The following CDA variants were observed in gnomAD, a reference collection of about 807,000 sequenced individuals.
The protein encoded by CDA is cytidine aminohydrolase.
Under a neutral mutation model 15.0 loss-of-function variants are expected in CDA, and 7 were observed. The observed-to-expected ratio is 0.47, with a 90% CI of 0.26 to 0.87. CDA has a LOEUF of 0.87. CDA is among the 40% of genes least tolerant of loss of function. CDA has a pLI of 0.15. For synonymous variants in CDA, 58 were observed against 73.0 expected, an observed-to-expected ratio of 0.79 and a Z score of 1.05; for missense variants, 159 against 182.7, an observed-to-expected ratio of 0.87 and a Z score of 0.75.
At chr1:20,601,075 A>G (rs1436556452) in intron 1 of CDA, among the ~76,000 whole-genome samples, 1 of 152,226 alleles carries the variant, frequency 6.6e-6, no homozygotes, top group Non-Finnish European at 1.5e-5. Flanking sequence ...GGATGTATGG[A>G]TTCCTATAAC....
chr1:20,604,996 G>A lies in CDA; in HGVS notation c.223G>A (p.Val75Ile), dbSNP rs373566343. ...CAERTAIQKA[V>I]SEGYKDFRAI... ...TGAACGGACCGCTATCCAGAAGGCC[G>A]TCTCAGAAGGGTACAAGGATTTCAG... Residue 75 changes from valine (V) to isoleucine (I), a missense_variant, in exon 2 of 4, where the codon GTC becomes ATC. Physicochemically the swap from Val to Ile is conservative, Grantham distance 29. Coordinates refer to ENST00000375071, the MANE Select transcript of CDA (RefSeq NM_001785.3). The A allele has an allele frequency of 2.6e-5, 42 of 1,613,804 alleles. No homozygotes were observed. The highest frequency in any genetic ancestry group is 1.3e-4 in the South Asian group (12 of 91,036).
intron 2 of CDA, among the ~76,000 whole-genome samples, chr1:20,608,415 T>C (rs946927211): frequency 1.3e-5 from 2 of 151,802 alleles, no homozygotes; most frequent in African/African-American, 4.8e-5. Flanking sequence ...TTTTGTTTTG[T>C]TTTGTTTTGT....
At chr1:20,597,334 G>A (rs2052600302) in intron 1 of CDA, among the ~76,000 whole-genome samples, 1 of 152,176 alleles carries the variant, frequency 6.6e-6, no homozygotes, top group Admixed American at 6.5e-5. Context: ...ACAGCTACTT[G>A]GGAGGCTGAG....
At chr1:20,604,583 C>G (rs1426284453) in intron 1 of CDA, among the ~76,000 whole-genome samples, 2 of 152,116 alleles carry the variant, frequency 1.3e-5, no homozygotes, top group Non-Finnish European at 2.9e-5. Context: ...TGTGGGGGCT[C>G]TACTTATTTT....
chr1:20,597,787 G>C (rs995954027), intron 1 of CDA, among the ~76,000 whole-genome samples: 1 of 152,104 alleles, frequency 6.6e-6, no homozygotes, highest in Non-Finnish European at 1.5e-5. Context: ...TGGTTTGCCT[G>C]GTCAGAAGAC....
chr1:20,613,657 T>C (rs1477585113), intron 2 of CDA, among the ~76,000 whole-genome samples, 185 bp from the exon 3 acceptor site: 1 of 152,126 alleles, frequency 6.6e-6, no homozygotes, highest in Non-Finnish European at 1.5e-5. Context: ...CCCTGCCTTG[T>C]GGCAGTGTGG....
At chr1:20,615,435 C>A (rs1179195986) in intron 3 of CDA, among the ~76,000 whole-genome samples, 1 of 137,700 alleles carries the variant, frequency 7.3e-6, no homozygotes, top group African/African-American at 2.7e-5. Flanking sequence ...GAGTTCGAGA[C>A]CTGCCTGGGC....
At chr1:20,599,609 T>A (rs895025404) in intron 1 of CDA, among the ~76,000 whole-genome samples, 3 of 23,274 alleles carry the variant, frequency 1.3e-4, no homozygotes, top group Non-Finnish European at 3.0e-4. Flanking sequence ...AGAGCAAGAC[T>A]CCGTCTCCAA....
In CDA at chr1:20,610,308, T is replaced by A. The variant is rs546176133; in HGVS notation, c.267-3534T>A. On this transcript the variant is annotated intron_variant, in intron 2 of 3. Transcript: ENST00000375071. ...TATTTTTATTTTTATTTATTTATTT[T>A]TATTTTTTTTTGAGATGGAGTCTTG... Among the ~76,000 whole-genome samples, 51 of 142,436 alleles carry A rather than the reference T, an allele frequency of 3.6e-4. No homozygotes were observed. In the South Asian group the frequency reaches 3.9e-3, roughly 11 times the overall value. 93.4% of individuals were successfully genotyped at this position (142,436 alleles called of 152,430 possible). A position where few individuals can be genotyped will look rare whatever the true frequency, so the allele number is the denominator to read the frequency against.
chr1:20,592,668 G>A (rs1264282370), intron 1 of CDA, among the ~76,000 whole-genome samples: 6 of 152,216 alleles, frequency 3.9e-5, no homozygotes, highest in Non-Finnish European at 5.9e-5. Flanking sequence ...GCCTATCACT[G>A]GGCCTCTGTA....
At chr1:20,612,209 G>A (rs1231556011) in intron 2 of CDA, among the ~76,000 whole-genome samples, 6 of 152,110 alleles carry the variant, frequency 3.9e-5, no homozygotes, top group African/African-American at 1.4e-4. Context: ...AGAAACCCAG[G>A]GCTTCCGAAT....
chr1:20,603,075 G>A (rs2052662255), intron 1 of CDA, among the ~76,000 whole-genome samples: 1 of 152,186 alleles, frequency 6.6e-6, no homozygotes, highest in Admixed American at 6.6e-5. Context: ...ATTGCAGGTG[G>A]AGCTTTACCA....
intron 3 of CDA, 105 bp from the exon 4 acceptor site, chr1:20,618,347 T>C: frequency 1.4e-6 from 1 of 719,710 alleles, no homozygotes; most frequent in Non-Finnish European, 2.6e-6. Context: ...AAAATCAAGG[T>C]AAAGAGAGGA....
intron 2 of CDA, among the ~76,000 whole-genome samples, chr1:20,612,537 TTAACTG>T: frequency 6.6e-6 from 1 of 151,850 alleles, no homozygotes; most frequent in East Asian, 1.9e-4. Flanking sequence ...ACAACCCCCT[TTAACTG>T]TAATTTTCCA....
chr1:20,611,394 T>G (rs922079980), intron 2 of CDA, among the ~76,000 whole-genome samples: 3 of 152,220 alleles, frequency 2.0e-5, no homozygotes, highest in African/African-American at 7.2e-5. Context: ...TGTTTTGTTT[T>G]GTTTTGAGGC....
At chr1:20,613,653 C>T (rs2052774257) in intron 2 of CDA, among the ~76,000 whole-genome samples, 189 bp from the exon 3 acceptor site, 1 of 152,228 alleles carries the variant, frequency 6.6e-6, no homozygotes, top group South Asian at 2.1e-4. Flanking sequence ...ATGGCCCTGC[C>T]TTGTGGCAGT....
At chr1:20,590,735 G>C (rs1200588520) in intron 1 of CDA, among the ~76,000 whole-genome samples, 1 of 152,204 alleles carries the variant, frequency 6.6e-6, no homozygotes, top group Admixed American at 6.5e-5. Context: ...CTCGTGCTGT[G>C]ACGTAGCACC....
intron 1 of CDA, 77 bp downstream of exon 1, chr1:20,589,360 G>T: frequency 1.4e-6 from 2 of 1,406,120 alleles, no homozygotes; most frequent in East Asian, 2.4e-5. Context: ...AGGAAGAGGC[G>T]CAGAGGCACA....
At chr1:20,614,557 A>T (rs1341716980) in intron 3 of CDA, among the ~76,000 whole-genome samples, 1 of 152,234 alleles carries the variant, frequency 6.6e-6, no homozygotes, top group African/African-American at 2.4e-5. Flanking sequence ...AAGGTTTGCC[A>T]ACCCCTGCTT....
Sources: gnomAD v4.1 joint callset for allele counts (sites outside exome capture counted in the v4.1 genomes callset) on GRCh38, gnomAD v4.1.1 for gene constraint, MANE v1.5 for transcripts, NCBI Gene and HGNC (gene_info 2026-07-23, HGNC 2026-07-21) for gene names.